RAB3GAP1: variants seen among roughly 807,000 people sequenced by gnomAD.
RAB3GAP1 encodes the protein rab3 GTPase-activating protein catalytic subunit.
A neutral mutation model predicts 130.7 loss-of-function variants in RAB3GAP1; 86 were observed. The observed-to-expected ratio is 0.66, with a 90% CI of 0.55 to 0.79. The LOEUF (loss-of-function observed/expected upper bound fraction) is 0.79. Among genes scored for constraint, RAB3GAP1 ranks in the 30% least tolerant of loss-of-function variants. RAB3GAP1 has a pLI of 0.00. For synonymous variants in RAB3GAP1, 367 were observed against 401.7 expected, an observed-to-expected ratio of 0.91 and a Z score of 1.03; for missense variants, 1,029 against 1,169.4, an observed-to-expected ratio of 0.88 and a Z score of 1.75.
At chr2:135,137,256 T>C in intron 17 of RAB3GAP1, 1 of 411,698 alleles carries the variant, frequency 2.4e-6, no homozygotes, top group Non-Finnish European at 4.8e-6. Context: ...ATGATGTCTG[T>C]AGTTAAAGGT....
chr2:135,163,197 G>A, intron 22 of RAB3GAP1, 96 bp downstream of exon 22: 2 of 828,308 alleles, frequency 2.4e-6, no homozygotes, highest in Middle Eastern at 5.1e-4. Flanking sequence ...CTCTTTTGTG[G>A]TAATCATATA....
chr2:135,144,608 T>C (rs1251727024), intron 17 of RAB3GAP1, among the ~76,000 whole-genome samples: 1 of 152,238 alleles, frequency 6.6e-6, no homozygotes, highest in East Asian at 1.9e-4. Context: ...CTTTCAACTA[T>C]CTTTGTTTGA....
chr2:135,131,330 A>G (rs907158859), intron 13 of RAB3GAP1, among the ~76,000 whole-genome samples: 1 of 152,088 alleles, frequency 6.6e-6, no homozygotes, highest in Non-Finnish European at 1.5e-5. Context: ...GGTTCAAGCA[A>G]TTCTCCTGCC....
At chr2:135,073,546 G>T (rs2104845498) in intron 3 of RAB3GAP1, among the ~76,000 whole-genome samples, 1 of 152,306 alleles carries the variant, frequency 6.6e-6, no homozygotes, top group Admixed American at 6.5e-5. Flanking sequence ...TCTTTCCCAT[G>T]TATCTCATTG....
intron 17 of RAB3GAP1, among the ~76,000 whole-genome samples, chr2:135,147,041 T>C (rs1039511425): frequency 6.6e-6 from 1 of 152,030 alleles, no homozygotes; most frequent in African/African-American, 2.4e-5. Flanking sequence ...GTATGTTGAT[T>C]CTACTTCTAA....
intron 2 of RAB3GAP1, among the ~76,000 whole-genome samples, chr2:135,054,777 T>C (rs575244542): frequency 3.3e-5 from 5 of 152,376 alleles, no homozygotes; most frequent in South Asian, 2.1e-4. Context: ...GAAATAATTA[T>C]TAACACCGTT....
Position 135,147,786 on chromosome 2 carries a change from A to C in RAB3GAP1, c.1924-2583A>C, listed in dbSNP as rs146462451. Among the ~76,000 whole-genome samples the C allele has an allele frequency of 3.0e-3, 458 of 151,960 alleles. 2 individuals carry two copies. The highest frequency in any genetic ancestry group is 0.01 in the African/African-American group (434 of 41,468). ...CACGACCATGCCCAGCTACTTATTTAATTTTTTGTAGAGACAGGGTCTTGC... is the reference window on the plus strand; with the variant it reads ...CACGACCATGCCCAGCTACTTATTTCATTTTTTGTAGAGACAGGGTCTTGC... On this transcript the variant is annotated intron_variant, in intron 17 of 23. Transcript: ENST00000264158.
At chr2:135,124,349 G>T (rs1411954854) in intron 9 of RAB3GAP1, 103 bp downstream of exon 9, 3 of 1,165,026 alleles carry the variant, frequency 2.6e-6, no homozygotes, top group Admixed American at 3.6e-5. Flanking sequence ...TTGCTGGGAT[G>T]AATGTAGTAC....
intron 5 of RAB3GAP1, among the ~76,000 whole-genome samples, chr2:135,103,994 C>T (rs1210900778): frequency 6.6e-6 from 1 of 152,154 alleles, no homozygotes; most frequent in African/African-American, 2.4e-5. Flanking sequence ...GTGCCAGTTG[C>T]AATTTTGAAT....
Position 135,164,269 on chromosome 2 carries a change from T to A in RAB3GAP1, c.2607-325T>A, listed in dbSNP as rs2322445. On this transcript the variant is annotated intron_variant, in intron 22 of 23. Coordinates refer to ENST00000264158, the MANE Select transcript of RAB3GAP1 (RefSeq NM_012233.3). ...ATATAACTTGGTTTATATTATACAA[T>A]TTTTTTTTCATCTTTTATTAACTGT... Among the ~76,000 whole-genome samples the A allele has an allele frequency of 0.31, 47,148 of 151,864 alleles. 11,041 individuals are homozygous for A. The highest frequency in any genetic ancestry group is 0.64 in the African/African-American group (26,645 of 41,384).
At chr2:135,091,734 A>G (rs1204251600) in intron 4 of RAB3GAP1, among the ~76,000 whole-genome samples, 3 of 152,202 alleles carry the variant, frequency 2.0e-5, no homozygotes, top group Middle Eastern at 3.2e-3. Flanking sequence ...GAAATTGTAC[A>G]TAAGCAAGTA....
At chr2:135,110,409 A>G (rs1690764126) in intron 5 of RAB3GAP1, among the ~76,000 whole-genome samples, 1 of 152,202 alleles carries the variant, frequency 6.6e-6, no homozygotes, top group South Asian at 2.1e-4. Context: ...TACTGGCATT[A>G]CAGGTGTGAG....
At chr2:135,071,763 G>T (rs72978310) in intron 3 of RAB3GAP1, among the ~76,000 whole-genome samples, 6,881 of 152,210 alleles carry the variant, frequency 0.045, 528 homozygotes, top group African/African-American at 0.16. Context: ...ACAAGTCTTT[G>T]ACATTGAGGG....
chr2:135,088,109 T>G (rs1430688511), intron 3 of RAB3GAP1, among the ~76,000 whole-genome samples: 1 of 152,174 alleles, frequency 6.6e-6, no homozygotes, highest in African/African-American at 2.4e-5. Flanking sequence ...TTGGTTAAGG[T>G]TGACAATAGT....
chr2:135,091,023 A>G lies in RAB3GAP1; in HGVS notation c.176A>G (p.Glu59Gly). 6.2e-7 allele frequency: 1 copy of G among 1,612,504 alleles called. No individual in the cohort carries two copies. The highest frequency in any genetic ancestry group is 8.5e-7 in the Non-Finnish European group (1 of 1,178,780). ...EKGIFTSGTW[E>G]EKSDEISFAD... ...GGTATATTTACTTCTGGCACATGGG[A>G]AGAGAAATCAGATGAAATTTCCTTT... Residue 59 changes from glutamate to glycine, a missense_variant, in exon 4 of 24, where the codon GAA becomes GGA. Transcript: ENST00000264158.
At position 135,150,641 on chromosome 2, in the gene RAB3GAP1, ACT is replaced by A. The variant is rs1692148195; in HGVS notation, c.2061+138_2061+139del. 47 of 1,131,864 alleles carry A rather than the reference ACT, an allele frequency of 4.2e-5. 1 individual carries two copies. In the South Asian group the frequency reaches 5.8e-4, roughly 14 times the overall value. The allele number at this position is 1,131,864 out of a possible 1,614,324, so 70.1% of individuals were successfully genotyped here. On this transcript the variant is annotated intron_variant, in intron 18 of 23. Transcript: ENST00000264158. ...GTTTGGATTTCATTAGTAGTTCAAC[ACT>A]CTGCCACCATCCCCCCAGAGGACAT...
chr2:135,128,256 G>C (rs1185935153), intron 11 of RAB3GAP1, among the ~76,000 whole-genome samples: 1 of 152,182 alleles, frequency 6.6e-6, no homozygotes, highest in Non-Finnish European at 1.5e-5. Flanking sequence ...TCAATGTCAA[G>C]AGTATTACAG....
chr2:135,133,558 A>G (rs1691603571), intron 14 of RAB3GAP1, among the ~76,000 whole-genome samples: 4 of 152,162 alleles, frequency 2.6e-5, no homozygotes, highest in Admixed American at 1.3e-4. Flanking sequence ...TTGTAATTAA[A>G]AGATTTTTAA....
In RAB3GAP1 at chr2:135,126,651, T is replaced by A; in HGVS notation, c.968T>A (p.Leu323Ter). ...CGAAAAGCTGAGAATCCTCAGTGTT[T>A]GCTAGGTAAGGTATATTATGCTCCT... is the stretch of plus-strand genomic sequence containing the variant. Reference protein sequence around the residue: ...RVRKAENPQCLLGDFVTEFFK... With the variant: ...RVRKAENPQC The change falls in exon 11 of 24, where the codon TTG (leucine) becomes TAG (stop). Residue 323 changes from leucine to a stop codon, truncating the protein, a stop_gained. Coordinates refer to ENST00000264158, the MANE Select transcript of RAB3GAP1 (RefSeq NM_012233.3). LOFTEE classifies it high-confidence loss of function. 6.2e-7 allele frequency: 1 copy of A among 1,609,742 alleles called. No homozygotes were observed. The highest frequency in any genetic ancestry group is 8.5e-7 in the Non-Finnish European group (1 of 1,176,076).
Sources: allele counts gnomAD v4.1 joint callset (sites outside exome capture counted in the v4.1 genomes callset), GRCh38; gene constraint gnomAD v4.1.1; transcripts MANE v1.5; gene names NCBI Gene and HGNC (gene_info 2026-07-23, HGNC 2026-07-21).